The following FBXL7 variants were observed in gnomAD, a reference collection of about 807,000 sequenced individuals.
FBXL7 encodes F-box and leucine rich repeat protein 7.
In FBXL7, 12 loss-of-function variants were observed where a neutral mutation model predicts 38.3. That is an observed-to-expected ratio of 0.31 (90% confidence interval 0.20 to 0.51). FBXL7 has a LOEUF of 0.51. FBXL7 is among the 20% of genes least tolerant of loss of function. FBXL7 has a pLI of 0.98. For synonymous variants in FBXL7, 297 were observed against 300.9 expected, an observed-to-expected ratio of 0.99 and a Z score of 0.13; for missense variants, 567 against 676.4, an observed-to-expected ratio of 0.84 and a Z score of 1.79.
At chr5:15,558,913 T>A (rs2126434001) in intron 1 of FBXL7, among the ~76,000 whole-genome samples, 1 of 152,286 alleles carries the variant, frequency 6.6e-6, no homozygotes, top group Middle Eastern at 3.4e-3. Context: ...TCCCGGGTGC[T>A]TTCTGTGGGA....
At chr5:15,553,093 CAAAA>C (rs371383973) in intron 1 of FBXL7, among the ~76,000 whole-genome samples, 13 of 102,842 alleles carry the variant, frequency 1.3e-4, no homozygotes, top group East Asian at 9.5e-4. Context: ...AAAAAAAAAA[CAAAA>C]AAAAACCCAA....
intron 2 of FBXL7, among the ~76,000 whole-genome samples, chr5:15,823,855 T>A (rs1236455448): frequency 6.6e-6 from 1 of 152,178 alleles, no homozygotes; most frequent in African/African-American, 2.4e-5. Context: ...CCACCTGCCC[T>A]GAGCACACTT....
At chr5:15,652,733 T>C (rs1365931579) in intron 2 of FBXL7, among the ~76,000 whole-genome samples, 2 of 152,204 alleles carry the variant, frequency 1.3e-5, no homozygotes, top group Admixed American at 1.3e-4. Context: ...TACTGGTGTG[T>C]CTTAGGCAAT....
chr5:15,588,678 C>T (rs1409181652), intron 1 of FBXL7, among the ~76,000 whole-genome samples: 8 of 152,124 alleles, frequency 5.3e-5, no homozygotes, highest in South Asian at 2.1e-4. Flanking sequence ...TGAGCCACCG[C>T]GCCCGGCCGC....
Position 15,937,451 on chromosome 5 carries a change from A to G in FBXL7, c.*265A>G, listed in dbSNP as rs998393629. On this transcript the variant is annotated 3_prime_UTR_variant, in exon 4 of 4. Transcript: ENST00000504595. ...ACAAAAGATGTACTTAAGCAGGCTG[A>G]TCGCTGTTCCTTGAGCAAGGCGCTT... 4.9e-5 allele frequency: 21 copies of G among 431,150 alleles called. No homozygotes were observed. The highest frequency in any genetic ancestry group is 3.8e-4 in the African/African-American group (19 of 50,186). 26.7% of individuals were successfully genotyped at this position (431,150 alleles called of 1,614,324 possible).
chr5:15,574,880 G>T (rs1168029191), intron 1 of FBXL7, among the ~76,000 whole-genome samples: 1 of 152,140 alleles, frequency 6.6e-6, no homozygotes, highest in Non-Finnish European at 1.5e-5. Context: ...AAGCAGGATG[G>T]GTCCTCAACT....
intron 1 of FBXL7, among the ~76,000 whole-genome samples, chr5:15,556,196 A>G (rs1738235392): frequency 1.3e-5 from 2 of 152,178 alleles, no homozygotes; most frequent in South Asian, 4.1e-4. Flanking sequence ...GAAGTCTCAC[A>G]GTCTGCCATC....
intron 2 of FBXL7, among the ~76,000 whole-genome samples, chr5:15,873,039 C>T (rs1740036350): frequency 6.6e-6 from 1 of 152,288 alleles, no homozygotes; most frequent in African/African-American, 2.4e-5. Flanking sequence ...AAGTAAAACA[C>T]TCCTCGGCAA....
intron 2 of FBXL7, among the ~76,000 whole-genome samples, chr5:15,917,944 A>T (rs1741640921): frequency 6.6e-6 from 1 of 152,214 alleles, no homozygotes; most frequent in South Asian, 2.1e-4. Context: ...TCCATTAAAG[A>T]GTAAATATTA....
intron 2 of FBXL7, among the ~76,000 whole-genome samples, chr5:15,774,608 G>C (rs1005487531): frequency 6.6e-6 from 1 of 152,054 alleles, no homozygotes. Context: ...CTGATAAATT[G>C]GTCAGTCCAT....
chr5:15,559,525 T>G (rs1040326910), intron 1 of FBXL7, among the ~76,000 whole-genome samples: 1 of 152,174 alleles, frequency 6.6e-6, no homozygotes, highest in Non-Finnish European at 1.5e-5. Flanking sequence ...GCCCCGAGTA[T>G]TATTCTCTAA....
At position 15,604,002 on chromosome 5, in the gene FBXL7, G is replaced by A. The variant is rs866286378; in HGVS notation, c.38-11981G>A. On this transcript the variant is annotated intron_variant, in intron 1 of 3. Transcript: ENST00000504595. ...AAATTCAAAAGTTAGCTGGGCATAA[G>A]GTGCATGCCTGTAATCCCAGCTTCT... Among the ~76,000 whole-genome samples the A allele has an allele frequency of 2.0e-5, 3 of 152,248 alleles. No individual in the cohort carries two copies. In the South Asian group the frequency reaches 6.2e-4, roughly 32 times the overall value.
At chr5:15,893,358 C>G (rs1422575118) in intron 2 of FBXL7, among the ~76,000 whole-genome samples, 1 of 151,484 alleles carries the variant, frequency 6.6e-6, no homozygotes. Context: ...AAGAAATGGC[C>G]AGAGTTAATT....
intron 1 of FBXL7, among the ~76,000 whole-genome samples, chr5:15,590,470 C>G (rs774147546): frequency 1.1e-4 from 16 of 151,952 alleles, no homozygotes; most frequent in Admixed American, 6.6e-5. Context: ...AAGTTCCCTA[C>G]CATGGTCTGC....
chr5:15,805,060 G>T (rs927214883), intron 2 of FBXL7, among the ~76,000 whole-genome samples: 2 of 152,124 alleles, frequency 1.3e-5, no homozygotes, highest in Non-Finnish European at 2.9e-5. Context: ...CACCTCACCT[G>T]CTCTCTGTAT....
chr5:15,510,511 AC>A (rs1289272213), intron 1 of FBXL7, among the ~76,000 whole-genome samples: 5 of 152,186 alleles, frequency 3.3e-5, no homozygotes. Flanking sequence ...GTCAGTGGTA[AC>A]TCAGACCCCA....
At chr5:15,667,616 G>A (rs1006195931) in intron 2 of FBXL7, among the ~76,000 whole-genome samples, 1 of 152,022 alleles carries the variant, frequency 6.6e-6, no homozygotes, top group African/African-American at 2.4e-5. Flanking sequence ...ATCTGTTTTT[G>A]GCAGGCCCAG....
At chr5:15,784,936 G>T (rs984831552) in intron 2 of FBXL7, among the ~76,000 whole-genome samples, 5 of 152,164 alleles carry the variant, frequency 3.3e-5, no homozygotes, top group Non-Finnish European at 1.5e-5. Flanking sequence ...CTACGTGTGT[G>T]TATGTGTTCA....
intron 1 of FBXL7, among the ~76,000 whole-genome samples, chr5:15,500,963 A>G (rs1235931759): frequency 1.3e-5 from 2 of 152,160 alleles, no homozygotes; most frequent in Non-Finnish European, 2.9e-5. Flanking sequence ...CTCAAGTTGC[A>G]TCTCTGCTGT....
Sources: gnomAD v4.1 joint callset for allele counts (sites outside exome capture counted in the v4.1 genomes callset) on GRCh38, gnomAD v4.1.1 for gene constraint, MANE v1.5 for transcripts, NCBI Gene and HGNC (gene_info 2026-07-23, HGNC 2026-07-21) for gene names.